ITGAL: variants seen among roughly 807,000 people sequenced by gnomAD.
ITGAL encodes integrin alpha-L.
Under a neutral mutation model 138.4 loss-of-function variants are expected in ITGAL, and 68 were observed. The observed-to-expected ratio is 0.49, with a 90% CI of 0.40 to 0.60. The LOEUF (loss-of-function observed/expected upper bound fraction) is 0.60. ITGAL is among the 20% of genes least tolerant of loss of function. The pLI, the probability that ITGAL is intolerant of heterozygous loss-of-function variation, is 0.00. For missense variants in ITGAL, 1,256 were observed against 1,478.6 expected (o/e 0.85, Z 2.47); for synonymous variants, 561 against 584.3 (o/e 0.96, Z 0.57).
Position 30,517,703 on chromosome 16 carries a change from G to A in ITGAL, c.3031G>A (p.Glu1011Lys). ...EDLERLPDAAEPCLPGALFRC... is the reference protein window; with the variant it reads ...EDLERLPDAAKPCLPGALFRC... ...TCTGGAGAGGCTCCCGGATGCAGCT[G>A]AGGTATGGGCGTGTGAGCTGAGAGA... The change falls in exon 27 of 31, where the codon GAG becomes AAG. Residue 1011 changes from glutamate (E) to lysine (K), a missense_variant and splice_region_variant. Glu to Lys is a moderately conservative substitution (Grantham distance 56). This residue lies in a region of ITGAL where 867 missense variants were observed against 972.5 expected (regional missense o/e 0.89). Transcript: ENST00000356798. The A allele has an allele frequency of 6.2e-7, 1 of 1,614,104 alleles. No individual in the cohort carries two copies. The highest frequency in any genetic ancestry group is 8.5e-7 in the Non-Finnish European group (1 of 1,179,920).
In ITGAL at chr16:30,489,401, T is replaced by C; in HGVS notation, c.1213+15T>C. ...AGGCTATTTGGGTGAGTACTTCTCT[T>C]TTCTGCTGGGATCTTCTGGTTGTTG... On this transcript the variant is annotated intron_variant, in intron 11 of 30. Coordinates refer to ENST00000356798, the MANE Select transcript of ITGAL (RefSeq NM_002209.3). The C allele has an allele frequency of 6.2e-7, 1 of 1,612,972 alleles. No homozygotes were observed. The highest frequency in any genetic ancestry group is 8.5e-7 in the Non-Finnish European group (1 of 1,179,012).
At chr16:30,498,247 C>A (rs570793148) in intron 15 of ITGAL, among the ~76,000 whole-genome samples, 1 of 142,114 alleles carries the variant, frequency 7.0e-6, no homozygotes, top group African/African-American at 2.7e-5. Context: ...ATTGCTTGAG[C>A]CCAAGAGGAG....
intron 15 of ITGAL, among the ~76,000 whole-genome samples, chr16:30,497,338 G>A (rs1219845461): frequency 6.7e-6 from 1 of 149,082 alleles, no homozygotes; most frequent in Non-Finnish European, 1.5e-5. Context: ...GTGAGACTCC[G>A]CCTCAAAAAA....
At chr16:30,499,049 G>A (rs761769221) in intron 15 of ITGAL, 25 bp from the exon 16 acceptor site, 1 of 1,609,570 alleles carries the variant, frequency 6.2e-7, no homozygotes, top group East Asian at 2.2e-5. Flanking sequence ...TGGAGGGAGA[G>A]AGTTGGTTGC....
chr16:30,511,911 T>G (rs1479072571), intron 24 of ITGAL, among the ~76,000 whole-genome samples: 1 of 152,104 alleles, frequency 6.6e-6, no homozygotes, highest in East Asian at 1.9e-4. Context: ...GAGAAGACAG[T>G]GAACTAGTGT....
rs1008066717 is a variant in ITGAL at position 30,520,080 on chromosome 16, C to T, written c.3339+113C>T. The T allele has an allele frequency of 3.9e-6, 3 of 764,478 alleles. No individual in the cohort carries two copies. In the African/African-American group the frequency reaches 5.1e-5, roughly 13 times the overall value. The allele number at this position is 764,478 out of a possible 1,614,324, so 47.4% of individuals were successfully genotyped here. On this transcript the variant is annotated intron_variant, in intron 30 of 30. Coordinates refer to ENST00000356798, the MANE Select transcript of ITGAL (RefSeq NM_002209.3). ...CCAGAGGGCATAAGAGCCAGGGGGC[C>T]TCAGAGCCAGGGGGCCTCAGCCTAC...
intron 11 of ITGAL, among the ~76,000 whole-genome samples, chr16:30,490,232 A>AC (rs202148460): frequency 0.01 from 1,539 of 150,324 alleles, 41 homozygotes; most frequent in African/African-American, 0.035. Flanking sequence ...CGTCTTAAAA[A>AC]AAAAAAAAAA....
intron 9 of ITGAL, 36 bp from the exon 10 acceptor site, chr16:30,489,046 T>G (rs767735688): frequency 6.4e-7 from 1 of 1,571,894 alleles, no homozygotes; most frequent in East Asian, 2.2e-5. Context: ...CATTTACTGC[T>G]GTTGGGTCTC....
In ITGAL at chr16:30,475,520, C is replaced by A. The variant is rs2050457701; in HGVS notation, c.267C>A (p.Asn89Lys). 5 of 1,613,950 alleles carry A rather than the reference C, an allele frequency of 3.1e-6. No individual in the cohort carries two copies. The highest frequency in any genetic ancestry group is 4.2e-6 in the Non-Finnish European group (5 of 1,179,854). The change falls in exon 4 of 31, where the codon AAC becomes AAA. Residue 89 changes from asparagine (N) to lysine (K), a missense_variant. Physicochemically the swap from Asn to Lys is moderately conservative, Grantham distance 94. This residue lies in a region of ITGAL where 212 missense variants were observed against 217.4 expected (regional missense o/e 0.98). Coordinates refer to ENST00000356798, the MANE Select transcript of ITGAL (RefSeq NM_002209.3). Reference sequence around the variant, plus strand: ...ACCTTCTGGTGCCTACAGGTTCCAACTATACCTCCAAGTACTTGGGAATGA... The same window carrying A: ...ACCTTCTGGTGCCTACAGGTTCCAAATATACCTCCAAGTACTTGGGAATGA... ...HCLPVTLRGS[N>K]YTSKYLGMTL...
chr16:30,508,187 C>T lies in ITGAL; in HGVS notation c.2508+1331C>T, dbSNP rs1350255027. 4.1e-5 allele frequency among the ~76,000 whole-genome samples: 6 copies of T among 147,748 alleles called. No homozygotes were observed. In the South Asian group the frequency reaches 1.1e-3, roughly 27 times the overall value. Reference sequence around the variant, plus strand: ...CCTCCCACAGTGCTGGGATTACAGGCGTGGGCCACCACGCCCGGCCTATTT... The same window carrying T: ...CCTCCCACAGTGCTGGGATTACAGGTGTGGGCCACCACGCCCGGCCTATTT... On this transcript the variant is annotated intron_variant, in intron 21 of 30. Transcript: ENST00000356798.
intron 28 of ITGAL, 69 bp downstream of exon 28, chr16:30,517,964 G>A: frequency 8.1e-7 from 1 of 1,230,670 alleles, no homozygotes; most frequent in South Asian, 1.2e-5. Context: ...TTGTGGGTGG[G>A]CTCCCACCAG....
chr16:30,496,474 G>A lies in ITGAL; in HGVS notation c.1740G>A (p.Trp580Ter). ...CCCAAGTGCTCTCAGGAATTCAGTG[G>A]TTTGGACGCTCCATCCATGGGGTGA... ...EGTQVLSGIQWFGRSIHGVKD... is the reference protein window; with the variant it reads ...EGTQVLSGIQ The change falls in exon 15 of 31, where the codon TGG (tryptophan) becomes TGA (stop). Residue 580 changes from tryptophan (W) to a stop codon, truncating the protein, a stop_gained. Transcript: ENST00000356798. LOFTEE classifies it high-confidence loss of function. The A allele has an allele frequency of 6.2e-7, 1 of 1,614,042 alleles. No homozygotes were observed. Among genetic ancestry groups the A allele is most frequent in the Admixed American group, 1.7e-5 (1 of 59,970 alleles).
At chr16:30,478,999 A>G in intron 4 of ITGAL, 92 bp from the exon 5 acceptor site, 1 of 908,406 alleles carries the variant, frequency 1.1e-6, no homozygotes. Flanking sequence ...GAAAGAGGAC[A>G]AGGACTCTGA....
intron 15 of ITGAL, among the ~76,000 whole-genome samples, chr16:30,497,562 C>T (rs1326739329): frequency 6.6e-6 from 1 of 151,382 alleles, no homozygotes; most frequent in East Asian, 2.0e-4. Flanking sequence ...CTGTAACCTC[C>T]ACCTCCTGGG....
chr16:30,485,747 TG>T (rs1340166119), intron 9 of ITGAL, among the ~76,000 whole-genome samples: 1 of 149,946 alleles, frequency 6.7e-6, no homozygotes, highest in South Asian at 2.1e-4. Flanking sequence ...TTGCCTGGGC[TG>T]GTCTCGAATT....
intron 6 of ITGAL, among the ~76,000 whole-genome samples, chr16:30,479,843 T>G (rs113602737): frequency 0.24 from 36,828 of 151,622 alleles, 6,081 homozygotes; most frequent in African/African-American, 0.45. Context: ...GTAGAGATGG[T>G]GTTTCACCAT....
intron 17 of ITGAL, among the ~76,000 whole-genome samples, chr16:30,503,441 C>CT (rs3075685): frequency 0.27 from 35,601 of 133,024 alleles, 6,319 homozygotes; most frequent in South Asian, 0.6. Context: ...TTTTCATTTT[C>CT]TTTTTTTTTT....
At chr16:30,511,483 A>G (rs1257261719) in intron 24 of ITGAL, among the ~76,000 whole-genome samples, 1 of 152,172 alleles carries the variant, frequency 6.6e-6, no homozygotes. Context: ...CATTTTACCA[A>G]TGAACAAGCT....
chr16:30,504,471 G>A (rs534764108), intron 18 of ITGAL, among the ~76,000 whole-genome samples: 2 of 152,198 alleles, frequency 1.3e-5, no homozygotes, highest in African/African-American at 4.8e-5. Flanking sequence ...GATTAGTCGG[G>A]TGTGATGGTG....
Sources: allele counts gnomAD v4.1 joint callset (sites outside exome capture counted in the v4.1 genomes callset), GRCh38; gene constraint gnomAD v4.1.1; regional missense constraint gnomAD v4.1.1; transcripts MANE v1.5; gene names NCBI Gene and HGNC (gene_info 2026-07-23, HGNC 2026-07-21).